The following PAK5 variants were observed in gnomAD, a reference collection of about 807,000 sequenced individuals.
PAK5 encodes the protein serine/threonine-protein kinase PAK 5.
In PAK5, 16 loss-of-function variants were observed where a neutral mutation model predicts 65.9. The observed-to-expected ratio is 0.24, with a 90% CI of 0.16 to 0.37. The LOEUF (loss-of-function observed/expected upper bound fraction) is 0.37. Ranked by LOEUF, PAK5 falls within the 10% of genes least tolerant of loss-of-function variation. The probability of loss-of-function intolerance (pLI) is 1.00; values close to 1 mark genes in which losing one functional copy is unlikely to be tolerated. For missense variants in PAK5, 785 were observed against 903.9 expected (o/e 0.87, Z 1.69); for synonymous variants, 371 against 354.9 (o/e 1.05, Z -0.51).
intron 2 of PAK5, among the ~76,000 whole-genome samples, chr20:9,670,261 A>G (rs2047478413): frequency 6.6e-6 from 1 of 152,132 alleles, no homozygotes; most frequent in South Asian, 2.1e-4. Context: ...TAGCAGCATG[A>G]TTTATAATCC....
chr20:9,681,311 C>T (rs948621778), intron 2 of PAK5, among the ~76,000 whole-genome samples: 3 of 152,002 alleles, frequency 2.0e-5, no homozygotes, highest in African/African-American at 7.2e-5. Context: ...GCAACATATG[C>T]TTCTTATTTC....
At chr20:9,777,298 A>C (rs1173502308) in intron 1 of PAK5, among the ~76,000 whole-genome samples, 1 of 152,184 alleles carries the variant, frequency 6.6e-6, no homozygotes, top group Admixed American at 6.5e-5. Context: ...CTCCTCTTGA[A>C]TTGTACTCCC....
chr20:9,604,361 C>A (rs1274868117), intron 3 of PAK5, among the ~76,000 whole-genome samples: 3 of 152,218 alleles, frequency 2.0e-5, no homozygotes, highest in Admixed American at 2.0e-4. Context: ...TGGACCCTCT[C>A]CCCTGTATGT....
chr20:9,580,876 C>T lies in PAK5; in HGVS notation c.259G>A (p.Glu87Lys). ...GTCACCGAGATGTTGTCAAAATCCTCTAGCAGGCCGTTGATGGAGGTTTCC... is the reference window on the plus strand; with the variant it reads ...GTCACCGAGATGTTGTCAAAATCCTTTAGCAGGCCGTTGATGGAGGTTTCC... ...CKETSINGLL[E>K]DFDNISVTRS... The change falls in exon 4 of 10, where the codon GAG becomes AAG. Residue 87 changes from glutamate to lysine, a missense_variant. Transcript: ENST00000353224. 1 of 1,611,160 alleles carries T rather than the reference C, an allele frequency of 6.2e-7. No homozygotes were observed. Among genetic ancestry groups the T allele is most frequent in the Non-Finnish European group, 8.5e-7 (1 of 1,178,592 alleles).
intron 1 of PAK5, among the ~76,000 whole-genome samples, chr20:9,831,550 C>T (rs1978716850): frequency 6.6e-6 from 1 of 152,198 alleles, no homozygotes; most frequent in Non-Finnish European, 1.5e-5. Context: ...CTCTGTCGCC[C>T]AGGCTGGAGT....
At chr20:9,815,875 C>G (rs561663932) in intron 1 of PAK5, among the ~76,000 whole-genome samples, 1 of 152,172 alleles carries the variant, frequency 6.6e-6, no homozygotes, top group Non-Finnish European at 1.5e-5. Context: ...AGCCCCTTCT[C>G]TAGTGTTCCC....
In PAK5 at chr20:9,538,441, T is replaced by G. The variant is rs1231462416; in HGVS notation, c.*1021A>C. On this transcript the variant is annotated 3_prime_UTR_variant, in exon 10 of 10. Transcript: ENST00000353224. ...ATGGTGACAAATGAAACCAAACGTC[T>G]TGCCCTGTTCTCTCCTCTCCCTTTG... The G allele has an allele frequency of 8.6e-6, 2 of 233,538 alleles. No homozygotes were observed. The highest frequency in any genetic ancestry group is 1.7e-5 in the Non-Finnish European group (2 of 118,008). The allele number at this position is 233,538 out of a possible 1,614,324, so 14.5% of individuals were successfully genotyped here.
At chr20:9,618,481 A>G in intron 3 of PAK5, among the ~76,000 whole-genome samples, 1 of 144,090 alleles carries the variant, frequency 6.9e-6, no homozygotes, top group East Asian at 2.0e-4. Flanking sequence ...ATCTTGGCTC[A>G]CTGCAACCTC....
chr20:9,541,890 C>G (rs2045270426), intron 9 of PAK5, among the ~76,000 whole-genome samples: 1 of 152,174 alleles, frequency 6.6e-6, no homozygotes, highest in African/African-American at 2.4e-5. Context: ...CCTGTGCGCT[C>G]TCTCTCTCCT....
chr20:9,678,178 G>T lies in PAK5; in HGVS notation c.-12+33108C>A, dbSNP rs149558347. Among the ~76,000 whole-genome samples, 8 of 152,262 alleles carry T rather than the reference G, an allele frequency of 5.3e-5. No homozygotes were observed. The East Asian group carries it at 1.5e-3, about 29-fold the overall frequency. On this transcript the variant is annotated intron_variant, in intron 2 of 9. Transcript: ENST00000353224. ...GTGTCTTGATCTCATAGCTCCTTGG[G>T]ATCTTTATTTCTGTGGGAAATTGTG...
intron 1 of PAK5, among the ~76,000 whole-genome samples, chr20:9,720,265 T>C (rs904972882): frequency 2.6e-5 from 4 of 152,086 alleles, no homozygotes; most frequent in Admixed American, 1.3e-4. Context: ...AGAAAAAAAG[T>C]TATTTTTATT....
At chr20:9,774,402 G>A (rs996532216) in intron 1 of PAK5, among the ~76,000 whole-genome samples, 11 of 152,246 alleles carry the variant, frequency 7.2e-5, no homozygotes, top group African/African-American at 2.4e-4. Flanking sequence ...TTGGGGAGCC[G>A]CTGGACTTTT....
chr20:9,580,044 C>T (rs1053779115), intron 4 of PAK5, 101 bp downstream of exon 4: 61 of 1,037,630 alleles, frequency 5.9e-5, no homozygotes, highest in Middle Eastern at 5.9e-4. Context: ...CCTTAAAAGG[C>T]AAACAAGTAC....
intron 4 of PAK5, chr20:9,577,637 GTCT>G (rs2045909781): frequency 2.0e-5 from 3 of 152,160 alleles, no homozygotes. Flanking sequence ...AGGCACCTCC[GTCT>G]TTTCAGAGAA....
intron 1 of PAK5, among the ~76,000 whole-genome samples, chr20:9,799,710 T>G (rs1254732935): frequency 6.6e-6 from 1 of 151,830 alleles, no homozygotes; most frequent in Non-Finnish European, 1.5e-5. Flanking sequence ...ATATAGACTT[T>G]TGTGAAAGGA....
intron 3 of PAK5, among the ~76,000 whole-genome samples, chr20:9,631,115 G>T (rs560252355): frequency 1.4e-4 from 21 of 152,148 alleles, no homozygotes; most frequent in Non-Finnish European, 2.1e-4. Flanking sequence ...ATCTTGGGCT[G>T]GGATGAATGT....
At chr20:9,816,582 T>C (rs900071690) in intron 1 of PAK5, among the ~76,000 whole-genome samples, 7 of 152,154 alleles carry the variant, frequency 4.6e-5, no homozygotes, top group African/African-American at 1.7e-4. Flanking sequence ...TGCTTGAGCT[T>C]GGACATCAGT....
At chr20:9,672,352 A>T (rs889601134) in intron 2 of PAK5, among the ~76,000 whole-genome samples, 2 of 148,052 alleles carry the variant, frequency 1.4e-5, no homozygotes, top group Non-Finnish European at 3.0e-5. Context: ...ATACTCAGTG[A>T]TATAGTTTGG....
At chr20:9,676,435 C>A (rs753254545) in intron 2 of PAK5, among the ~76,000 whole-genome samples, 4 of 152,124 alleles carry the variant, frequency 2.6e-5, no homozygotes, top group Non-Finnish European at 5.9e-5. Context: ...TAATAAACTA[C>A]AATTACAATT....
Sources: gnomAD v4.1 joint callset for allele counts (sites outside exome capture counted in the v4.1 genomes callset) on GRCh38, gnomAD v4.1.1 for gene constraint, MANE v1.5 for transcripts, NCBI Gene and HGNC (gene_info 2026-07-23, HGNC 2026-07-21) for gene names.